Variants in KMT2C observed in about 807,000 individuals in gnomAD.
KMT2C encodes histone-lysine N-methyltransferase 2C.
Under a neutral mutation model 507.9 loss-of-function variants are expected in KMT2C, and 88 were observed. That is an observed-to-expected ratio of 0.17 (90% CI 0.15 to 0.21). The LOEUF (loss-of-function observed/expected upper bound fraction) is 0.21, where lower values mean the gene tolerates loss of function less well. KMT2C is among the 10% of genes least tolerant of loss of function. The pLI is 1.00. For synonymous variants in KMT2C, 2,049 were observed against 2,080.8 expected (o/e 0.98, Z 0.42); for missense variants, 4,954 against 5,957.8 (o/e 0.83, Z 5.55).
intron 44 of KMT2C, chr7:152,157,921 A>C: frequency 7.5e-7 from 1 of 1,326,398 alleles, no homozygotes; most frequent in Non-Finnish European, 9.9e-7. Context: ...GAGCAGAGAG[A>C]GCTGCTATTA....
At chr7:152,225,377 A>G (rs1202949656) in intron 18 of KMT2C, among the ~76,000 whole-genome samples, 1 of 152,246 alleles carries the variant, frequency 6.6e-6, no homozygotes, top group Non-Finnish European at 1.5e-5. Flanking sequence ...ACCAGAGAAG[A>G]AAATAAAAGA....
intron 50 of KMT2C, 78 bp from the exon 51 acceptor site, chr7:152,151,085 T>C: frequency 3.5e-6 from 3 of 853,084 alleles, no homozygotes; most frequent in South Asian, 1.6e-5. Context: ...ATTATTTTTA[T>C]GTTATATTCA....
At chr7:152,374,379 T>A (rs2097313111) in intron 1 of KMT2C, among the ~76,000 whole-genome samples, 1 of 151,738 alleles carries the variant, frequency 6.6e-6, no homozygotes, top group Non-Finnish European at 1.5e-5. Flanking sequence ...AAAATAATAA[T>A]TTTTAAAATG....
chr7:152,223,076 G>A (rs961630789), intron 20 of KMT2C, among the ~76,000 whole-genome samples: 17 of 152,176 alleles, frequency 1.1e-4, no homozygotes, highest in East Asian at 1.9e-4. Flanking sequence ...CATATCTCAC[G>A]GAAAGCGATG....
chr7:152,195,951 A>G lies in KMT2C; in HGVS notation c.4334T>C (p.Leu1445Pro). Residue 1445 changes from leucine to proline, a missense_variant, in exon 28 of 59, where the codon CTT (leucine) becomes CCT (proline). Physicochemically the swap from Leu to Pro is moderately conservative, Grantham distance 98. Around this residue, in one of 29 missense-constraint regions of KMT2C, gnomAD observed 140 missense variants for 118.4 expected, o/e 1.18. Transcript: ENST00000262189. ...SEVLNTDDDI[L>P]GIISDDLAKS... ...TGCTAGATCATCTGAAATTATTCCAAGAATGTCATCATCTGTGTTTAAAAC... is the reference window on the plus strand; with the variant it reads ...TGCTAGATCATCTGAAATTATTCCAGGAATGTCATCATCTGTGTTTAAAAC... The G allele has an allele frequency of 6.2e-7, 1 of 1,610,768 alleles. No individual in the cohort carries two copies. Among genetic ancestry groups the G allele is most frequent in the Non-Finnish European group, 8.5e-7 (1 of 1,177,560 alleles).
intron 1 of KMT2C, among the ~76,000 whole-genome samples, chr7:152,418,843 T>G (rs2097761775): frequency 6.6e-6 from 1 of 150,782 alleles, no homozygotes; most frequent in African/African-American, 2.5e-5. Flanking sequence ...AAACTCTAAA[T>G]GTACATAAGT....
rs554350059 is a variant in KMT2C at position 152,186,867 on chromosome 7, A to G, written c.5008+395T>C. Among the ~76,000 whole-genome samples, 6 of 152,292 alleles carry G rather than the reference A, an allele frequency of 3.9e-5. No homozygotes were observed. The East Asian group carries it at 5.8e-4, about 15-fold the overall frequency. On this transcript the variant is annotated intron_variant, in intron 33 of 58. Transcript: ENST00000262189. Reference sequence around the variant, plus strand: ...GGCAGTCAGGGAAAGTGAGAGGGGAAGAAGGGAAGACAATATTGAATTCGT... The same window carrying G: ...GGCAGTCAGGGAAAGTGAGAGGGGAGGAAGGGAAGACAATATTGAATTCGT...
chr7:152,212,766 C>T (rs796251477), intron 23 of KMT2C, among the ~76,000 whole-genome samples: 5 of 152,376 alleles, frequency 3.3e-5, no homozygotes, highest in African/African-American at 1.2e-4. Flanking sequence ...CACAGCCGGG[C>T]ATGGTGGCTC....
intron 21 of KMT2C, among the ~76,000 whole-genome samples, chr7:152,222,339 A>G (rs1181828088): frequency 6.6e-6 from 1 of 152,238 alleles, no homozygotes; most frequent in Non-Finnish European, 1.5e-5. Context: ...CTTGGAAGCA[A>G]AATTATAGTT....
At chr7:152,307,013 G>A (rs2096620549) in intron 6 of KMT2C, among the ~76,000 whole-genome samples, 1 of 152,096 alleles carries the variant, frequency 6.6e-6, no homozygotes, top group South Asian at 2.1e-4. Flanking sequence ...TTAAAAACTA[G>A]TTAGGCGAGG....
intron 1 of KMT2C, among the ~76,000 whole-genome samples, chr7:152,360,463 A>G (rs1406539868): frequency 9.1e-5 from 13 of 143,280 alleles, no homozygotes; most frequent in East Asian, 2.2e-4. Context: ...GGGCAACAAG[A>G]GTGAAACTCT....
Position 152,167,162 on chromosome 7 carries a change from T to A in KMT2C, c.9734A>T (p.Gln3245Leu), listed in dbSNP as rs1249286048. 6.2e-7 allele frequency: 1 copy of A among 1,613,920 alleles called. No homozygotes were observed. The highest frequency in any genetic ancestry group is 8.5e-7 in the Non-Finnish European group (1 of 1,179,878). Residue 3245 changes from glutamine to leucine, a missense_variant, in exon 42 of 59, where the codon CAG becomes CTG. Around this residue, in one of 29 missense-constraint regions of KMT2C, gnomAD observed 71 missense variants for 139.2 expected, o/e 0.51. Coordinates refer to ENST00000262189, the MANE Select transcript of KMT2C (RefSeq NM_170606.3). ...ATTTATTACCTGTTCTAGCTGTTTC[T>A]GAACCATGCTTTGCTGTTCAGTAAC... ...KHVTEQQSMVQKQLEQIRKQQ... is the reference protein window; with the variant it reads ...KHVTEQQSMVLKQLEQIRKQQ...
At chr7:152,189,118 T>C (rs745593378) in intron 31 of KMT2C, among the ~76,000 whole-genome samples, 2 of 152,190 alleles carry the variant, frequency 1.3e-5, no homozygotes, top group Non-Finnish European at 2.9e-5. Context: ...TCTTTCTGAA[T>C]AGACATTAGG....
At chr7:152,353,327 A>G (rs1368489257) in intron 2 of KMT2C, among the ~76,000 whole-genome samples, 1 of 152,190 alleles carries the variant, frequency 6.6e-6, no homozygotes, top group Admixed American at 6.5e-5. Flanking sequence ...CGGGAGGCTG[A>G]GGCAGAGAAT....
At chr7:152,404,445 G>A (rs1204196479) in intron 1 of KMT2C, among the ~76,000 whole-genome samples, 30 of 148,788 alleles carry the variant, frequency 2.0e-4, no homozygotes, top group Middle Eastern at 3.7e-3. Context: ...GACCAGCCTG[G>A]TCAACATGCT....
Position 152,195,832 on chromosome 7 carries a change from A to C in KMT2C, c.4378+75T>G, listed in dbSNP as rs541473584. 644 of 765,066 alleles carry C rather than the reference A, an allele frequency of 8.4e-4. 3 individuals carry two copies. Among genetic ancestry groups the C allele is most frequent in the Non-Finnish European group, 1.2e-3 (609 of 506,764 alleles). 47.4% of individuals were successfully genotyped at this position (765,066 alleles called of 1,614,324 possible). On this transcript the variant is annotated intron_variant, in intron 28 of 58. Coordinates refer to ENST00000262189, the MANE Select transcript of KMT2C (RefSeq NM_170606.3). ...GTTACTGGGAAACAGACAAAAGGCT[A>C]AACTTGTTCCACACATCATACACCT...
chr7:152,305,312 C>T (rs980912043), intron 6 of KMT2C, among the ~76,000 whole-genome samples: 3 of 152,180 alleles, frequency 2.0e-5, no homozygotes, highest in Non-Finnish European at 2.9e-5. Context: ...TCTTTGACAG[C>T]AAGCCTAGCA....
intron 1 of KMT2C, among the ~76,000 whole-genome samples, chr7:152,380,109 G>A (rs1480031952): frequency 2.6e-5 from 4 of 152,294 alleles, no homozygotes; most frequent in African/African-American, 9.6e-5. Flanking sequence ...GCATGTGCCT[G>A]TAGTCCCAGC....
chr7:152,385,777 AT>A (rs965433577), intron 1 of KMT2C, among the ~76,000 whole-genome samples: 5 of 151,522 alleles, frequency 3.3e-5, no homozygotes, highest in African/African-American at 1.2e-4. Flanking sequence ...ATTCTCTAAT[AT>A]TTATAAACGA....
Sources: allele counts gnomAD v4.1 joint callset (sites outside exome capture counted in the v4.1 genomes callset), GRCh38; gene constraint gnomAD v4.1.1; regional missense constraint gnomAD v4.1.1; transcripts MANE v1.5; gene names NCBI Gene and HGNC (gene_info 2026-07-23, HGNC 2026-07-21).